The following C14orf39 variants were observed in gnomAD, a reference collection of about 807,000 sequenced individuals.
C14orf39 encodes the protein protein SIX6OS1.
A neutral mutation model predicts 85.6 loss-of-function variants in C14orf39; 66 were observed. That is an observed-to-expected ratio of 0.77 (90% CI 0.63 to 0.95). The LOEUF (loss-of-function observed/expected upper bound fraction) is 0.95. C14orf39 is among the 40% of genes least tolerant of loss of function. C14orf39 has a pLI of 0.00. For missense variants in C14orf39, 735 were observed against 663.9 expected, an observed-to-expected ratio of 1.11 and a Z score of -1.18; for synonymous variants, 242 against 214.0, an observed-to-expected ratio of 1.13 and a Z score of -1.14.
Position 60,448,956 on chromosome 14 carries a change from T to C in C14orf39, c.1503+6045A>G, listed in dbSNP as rs376096879. ...CAAGGACAGAAAACCAAACACCGCA[T>C]GTTCTCACTCATAGGTGGAAACTGA... On this transcript the variant is annotated intron_variant, in intron 16 of 17. Transcript: ENST00000321731. 5.9e-5 allele frequency among the ~76,000 whole-genome samples: 9 copies of C among 152,180 alleles called. No homozygotes were observed. In the East Asian group the frequency reaches 9.6e-4, roughly 16 times the overall value.
intron 4 of C14orf39, among the ~76,000 whole-genome samples, chr14:60,482,922 AATG>A (rs1164127081): frequency 3.3e-5 from 4 of 119,706 alleles, no homozygotes; most frequent in Non-Finnish European, 8.0e-5. Flanking sequence ...TGTGCATAAT[AATG>A]ATGTTGACTC....
intron 16 of C14orf39, among the ~76,000 whole-genome samples, chr14:60,444,251 C>T (rs1366520624): frequency 2.0e-5 from 3 of 151,952 alleles, no homozygotes; most frequent in East Asian, 3.9e-4. Flanking sequence ...CAAACTTCTA[C>T]GAGCTAAAGG....
chr14:60,496,412 G>A (rs531891303), intron 2 of C14orf39: 5 of 313,604 alleles, frequency 1.6e-5, no homozygotes, highest in African/African-American at 2.3e-5. Context: ...GGGTGGCAGG[G>A]CAGTGTCTGT....
chr14:60,475,399 G>A (rs536149565), intron 5 of C14orf39, among the ~76,000 whole-genome samples: 506 of 152,092 alleles, frequency 3.3e-3, no homozygotes, highest in Non-Finnish European at 5.5e-3. Flanking sequence ...ACCTGTGCTC[G>A]ATTCTACAAG....
Position 60,455,100 on chromosome 14 carries a change from T to C in C14orf39, c.1404A>G (p.Glu468=), listed in dbSNP as rs2140067348. ...NAVPEVQTEK[E]SPGLSFLMSY... ...TCATAAGAAAAGAAAGTCCAGGGGA[T>C]TCCTTTTCTGTTTGAACTTCAGGTA... The change falls in exon 16 of 18, where the codon GAA becomes GAG. Residue 468 remains glutamate (E), a synonymous_variant. Coordinates refer to ENST00000321731, the MANE Select transcript of C14orf39 (RefSeq NM_174978.3). 3.2e-6 allele frequency: 5 copies of C among 1,572,836 alleles called. No individual in the cohort carries two copies. The South Asian group carries it at 6.0e-5, about 19-fold the overall frequency.
chr14:60,476,206 C>G (rs1419084542), intron 5 of C14orf39, among the ~76,000 whole-genome samples: 2 of 152,126 alleles, frequency 1.3e-5, no homozygotes, highest in African/African-American at 4.8e-5. Context: ...GAAGAAATAC[C>G]TATAAGAAAA....
chr14:60,445,740 C>A (rs921026160), intron 16 of C14orf39, among the ~76,000 whole-genome samples: 1 of 152,168 alleles, frequency 6.6e-6, no homozygotes, highest in Non-Finnish European at 1.5e-5. Flanking sequence ...ACTCTCCAAC[C>A]CAAATCAACA....
Position 60,458,993 on chromosome 14 carries a change from G to C in C14orf39, c.1118-254C>G, listed in dbSNP as rs1263668401. On this transcript the variant is annotated intron_variant, in intron 13 of 17. Coordinates refer to ENST00000321731, the MANE Select transcript of C14orf39 (RefSeq NM_174978.3). The stretch of plus-strand genomic sequence containing the variant: ...ATACAACATCATGAGCACTCTAAAA[G>C]GTTTCATATTCACCATGTCTTGCTC... Among the ~76,000 whole-genome samples, 4 of 151,522 alleles carry C rather than the reference G, an allele frequency of 2.6e-5. No individual in the cohort carries two copies. The East Asian group carries it at 7.7e-4, about 29-fold the overall frequency.
At chr14:60,473,392 G>A (rs1007772993) in intron 5 of C14orf39, among the ~76,000 whole-genome samples, 1 of 152,152 alleles carries the variant, frequency 6.6e-6, no homozygotes, top group Non-Finnish European at 1.5e-5. Flanking sequence ...TTGCTGTGCA[G>A]AAGCTCTTTA....
At chr14:60,444,360 C>G (rs906025051) in intron 16 of C14orf39, among the ~76,000 whole-genome samples, 1 of 151,978 alleles carries the variant, frequency 6.6e-6, no homozygotes, top group Non-Finnish European at 1.5e-5. Flanking sequence ...TTTAAATGGC[C>G]TGATGGAGCT....
intron 16 of C14orf39, among the ~76,000 whole-genome samples, chr14:60,444,927 A>G (rs572080276): frequency 1.3e-5 from 2 of 152,344 alleles, no homozygotes; most frequent in African/African-American, 4.8e-5. Flanking sequence ...ATTCTTAAAG[A>G]AAAGAATTTT....
chr14:60,509,172 C>G (rs1447734905), intron 1 of C14orf39: 20 of 568,008 alleles, frequency 3.5e-5, no homozygotes, highest in African/African-American at 3.5e-4. Flanking sequence ...CGCCTGCCGG[C>G]GTGCCTGAGC....
chr14:60,509,170 G>C (rs1326700625), intron 1 of C14orf39: 4 of 564,292 alleles, frequency 7.1e-6, no homozygotes, highest in Non-Finnish European at 9.5e-6. Flanking sequence ...CTCGCCTGCC[G>C]GCGTGCCTGA....
At chr14:60,500,057 C>T (rs540894793) in intron 1 of C14orf39, among the ~76,000 whole-genome samples, 3 of 152,174 alleles carry the variant, frequency 2.0e-5, no homozygotes, top group East Asian at 1.9e-4. Flanking sequence ...GATTGAGTTT[C>T]GCTCTTGTTG....
At chr14:60,485,778 C>T (rs750018014) in intron 1 of C14orf39, among the ~76,000 whole-genome samples, 167 bp downstream of exon 1, 1 of 152,046 alleles carries the variant, frequency 6.6e-6, no homozygotes, top group Admixed American at 6.6e-5. Context: ...TCCCCCCCAT[C>T]CCCCGCCGCG....
chr14:60,439,691 G>A (rs1279528639), intron 17 of C14orf39, among the ~76,000 whole-genome samples: 1 of 152,202 alleles, frequency 6.6e-6, no homozygotes, highest in Non-Finnish European at 1.5e-5. Flanking sequence ...AGAAGTCAGT[G>A]CAGCAAGATA....
chr14:60,507,090 G>T lies in C14orf39; in HGVS notation c.-143-7660C>A, dbSNP rs963370411. ...GGGGTCGGCTCTCGGCTCGGCTCGCGGGCTGTAAGGTCTCCGCGGACCCCA... is the reference window on the plus strand; with the variant it reads ...GGGGTCGGCTCTCGGCTCGGCTCGCTGGCTGTAAGGTCTCCGCGGACCCCA... On this transcript the variant is annotated intron_variant, in intron 1 of 5. Coordinates refer to the C14orf39 transcript ENST00000556799. 7.2e-5 allele frequency among the ~76,000 whole-genome samples: 11 copies of T among 152,212 alleles called. No individual in the cohort carries two copies. The East Asian group carries it at 2.1e-3, about 29-fold the overall frequency.
chr14:60,474,220 A>C (rs185072510), intron 5 of C14orf39, among the ~76,000 whole-genome samples: 2 of 152,214 alleles, frequency 1.3e-5, no homozygotes, highest in East Asian at 3.9e-4. Context: ...TTGGTGTATA[A>C]GAATGCTTGT....
At position 60,466,003 on chromosome 14, in the gene C14orf39, A is replaced by G; in HGVS notation, c.948T>C (p.Phe316=). The stretch of plus-strand genomic sequence containing the variant: ...CCTGTGTATCATTTTCTTTTTGTCT[A>G]AAGTCAATATTGGCAAGCTTTGACT... ...AKQSKLANID[F]RQKENDTQIF... is the part of the protein sequence containing the mutation. Residue 316 remains phenylalanine, a synonymous_variant, in exon 11 of 18, where the codon TTT becomes TTC. Transcript: ENST00000321731. 1.3e-6 allele frequency: 2 copies of G among 1,562,434 alleles called. No homozygotes were observed. The highest frequency in any genetic ancestry group is 1.7e-6 in the Non-Finnish European group (2 of 1,158,802).
Sources: gnomAD v4.1 joint callset for allele counts (sites outside exome capture counted in the v4.1 genomes callset) on GRCh38, gnomAD v4.1.1 for gene constraint, MANE v1.5 for transcripts, NCBI Gene and HGNC (gene_info 2026-07-23, HGNC 2026-07-21) for gene names.